The following NKAIN4 variants were observed in gnomAD, a reference collection of about 807,000 sequenced individuals.
The protein encoded by NKAIN4 is sodium/potassium-transporting ATPase subunit beta-1-interacting protein 4.
NKAIN4 carries 28 observed loss-of-function variants against 28.8 expected under a neutral mutation model. That is an observed-to-expected ratio of 0.97 (90% confidence interval 0.72 to 1.33). The LOEUF (loss-of-function observed/expected upper bound fraction) is 1.33. NKAIN4 is among the 40% of genes most tolerant of loss of function. The pLI, the probability that NKAIN4 is intolerant of heterozygous loss-of-function variation, is 0.00. For synonymous variants in NKAIN4, 122 were observed against 115.6 expected (o/e 1.06, Z -0.36); for missense variants, 289 against 277.2 (o/e 1.04, Z -0.30).
chr20:63,250,449 G>C (rs1601295532), intron 1 of NKAIN4, among the ~76,000 whole-genome samples: 2 of 152,184 alleles, frequency 1.3e-5, no homozygotes, highest in African/African-American at 4.8e-5. Flanking sequence ...ATCACGAACT[G>C]TGGGGCCAGG....
upstream of NKAIN4, chr20:63,254,547 C>T (rs1317079116): frequency 4.5e-6 from 4 of 882,856 alleles, no homozygotes; most frequent in South Asian, 4.5e-5. Context: ...ACCCCGCCCC[C>T]TCCGCATCCC....
At chr20:63,246,283 A>G (rs1331113212) in intron 4 of NKAIN4, among the ~76,000 whole-genome samples, 4 of 151,630 alleles carry the variant, frequency 2.6e-5, no homozygotes, top group African/African-American at 9.7e-5. Flanking sequence ...TTTGATGTGC[A>G]CACTTGGGAA....
intron 3 of NKAIN4, 69 bp downstream of exon 3, chr20:63,248,746 G>A (rs1235297494): frequency 9.2e-6 from 9 of 977,702 alleles, no homozygotes; most frequent in Non-Finnish European, 1.5e-5. Context: ...GCAAACACAG[G>A]GGGTGTTACC....
At chr20:63,243,968 G>T in intron 5 of NKAIN4, 56 bp downstream of exon 5, 3 of 1,462,806 alleles carry the variant, frequency 2.1e-6, no homozygotes, top group Non-Finnish European at 2.8e-6. Context: ...CAGACTCAGA[G>T]CTGCCACCTC....
At chr20:63,244,404 G>A (rs2123067363) in intron 4 of NKAIN4, 1 of 511,638 alleles carries the variant, frequency 2.0e-6, no homozygotes, top group Non-Finnish European at 3.8e-6. Flanking sequence ...TGAGGACACA[G>A]AAGCCCAGGC....
chr20:63,242,441 G>A, intron 6 of NKAIN4, 98 bp downstream of exon 6: 1 of 799,574 alleles, frequency 1.3e-6, no homozygotes, highest in Non-Finnish European at 2.2e-6. Flanking sequence ...GAACGGACAG[G>A]CAGGTGCCTG....
chr20:63,248,775 C>T (rs1446617589), intron 3 of NKAIN4, 40 bp downstream of exon 3: 2 of 1,401,342 alleles, frequency 1.4e-6, no homozygotes, highest in East Asian at 4.6e-5. Flanking sequence ...GGCCCAGACC[C>T]CAGGGAAGGA....
intron 1 of NKAIN4, chr20:63,253,103 G>T: frequency 1.7e-6 from 1 of 598,932 alleles, no homozygotes; most frequent in Non-Finnish European, 2.1e-6. Context: ...TCCTTCATGA[G>T]GTCATCCGAC....
chr20:63,241,532 C>T, intron 6 of NKAIN4, 26 bp from the exon 7 acceptor site: 1 of 1,549,280 alleles, frequency 6.5e-7, no homozygotes, highest in Non-Finnish European at 8.7e-7. Context: ...CAGAGAGCAC[C>T]TGGGGGAACA....
rs1568704748 is a variant in NKAIN4, at chr20:63,245,257, T to C, written c.472-1173A>G. On this transcript the variant is annotated intron_variant, in intron 4 of 6. Transcript: ENST00000370316. This position sits in a 1 kb window ranked among gnomAD's most constrained non-coding sequence, Gnocchi z 4.7. Reference sequence around the variant, plus strand: ...GACAAGCTCAAGAAGCTGTCCCAAATGGCCATTTCTGGTTCCATGCCACGG... The same window carrying C: ...GACAAGCTCAAGAAGCTGTCCCAAACGGCCATTTCTGGTTCCATGCCACGG... Among the ~76,000 whole-genome samples the C allele has an allele frequency of 6.6e-6, 1 of 152,158 alleles. No homozygotes were observed. Among genetic ancestry groups the C allele is most frequent in the Non-Finnish European group, 1.5e-5 (1 of 68,026 alleles).
chr20:63,254,560 TCCCCCCTCCTC>T (rs1470123755), upstream of NKAIN4: 6 of 738,902 alleles, frequency 8.1e-6, no homozygotes, highest in Non-Finnish European at 9.3e-6. Flanking sequence ...CGCATCCCGT[TCCCCCCTCCTC>T]CCCGCAACCC....
chr20:63,250,190 CCA>C, intron 1 of NKAIN4, 118 bp from the exon 2 acceptor site: 1 of 1,214,344 alleles, frequency 8.2e-7, no homozygotes, highest in Non-Finnish European at 1.1e-6. Flanking sequence ...CACCCGCCCA[CCA>C]CACCTTTGTT....
chr20:63,249,398 G>C (rs903039421), intron 2 of NKAIN4: 2 of 186,468 alleles, frequency 1.1e-5, no homozygotes, highest in Admixed American at 5.3e-5. Context: ...CAGCACCTAA[G>C]GTATTTACCA....
In NKAIN4 at chr20:63,247,760, TC is replaced by T; in HGVS notation, c.288del (p.Thr97ProfsTer59). On this transcript the variant is annotated frameshift_variant, in exon 4 of 7. Transcript: ENST00000370316. LOFTEE classifies it high-confidence loss of function. ...GAGCGATGCCGGGAGAGGCTGAAGG[TC>T]AGTAGCTCGCTGTCCTAGGGGAGAG... is the stretch of plus-strand genomic sequence containing the variant. The part of the protein sequence containing the change: ...VGGLLKDSEL[L>X]TFSLSRHRSW... 6.8e-7 allele frequency: 1 copy of T among 1,465,142 alleles called. No homozygotes were observed. Among genetic ancestry groups the T allele is most frequent in the Non-Finnish European group, 9.1e-7 (1 of 1,103,820 alleles). 90.8% of individuals were successfully genotyped at this position (1,465,142 alleles called of 1,614,324 possible).
chr20:63,248,153 C>CGGG (rs1284057317), intron 3 of NKAIN4: 1 of 187,786 alleles, frequency 5.3e-6, no homozygotes, highest in Non-Finnish European at 1.1e-5. Context: ...TTCCAGGAAG[C>CGGG]GGGGGCCCGT....
rs1407246426 is a variant in NKAIN4, at chr20:63,252,422, T to C, written c.54+1975A>G. On this transcript the variant is annotated intron_variant, in intron 1 of 6. Transcript: ENST00000370316. The surrounding 1 kb of genome is among the most constrained non-coding windows in gnomAD (Gnocchi z 4.6). The stretch of plus-strand genomic sequence containing the variant: ...GCGCTCAGAAGAGATGCCTGGGCCC[T>C]TTGTCCTGTAGCTTGGTAACACAAA... Among the ~76,000 whole-genome samples, 4 of 152,024 alleles carry C rather than the reference T, an allele frequency of 2.6e-5. No individual in the cohort carries two copies. Among genetic ancestry groups the C allele is most frequent in the Non-Finnish European group, 5.9e-5 (4 of 67,996 alleles).
rs1181250422 is a variant in NKAIN4, at chr20:63,245,589, T to A, written c.472-1505A>T. Among the ~76,000 whole-genome samples the A allele has an allele frequency of 6.6e-6, 1 of 151,836 alleles. No individual in the cohort carries two copies. The highest frequency in any genetic ancestry group is 1.5e-5 in the Non-Finnish European group (1 of 67,928). On this transcript the variant is annotated intron_variant, in intron 4 of 6. Transcript: ENST00000370316. This position sits in a 1 kb window ranked among gnomAD's most constrained non-coding sequence, Gnocchi z 4.7. ...CTCCCTGCTGCATGGAGGCCTGGGA[T>A]CTGCAGGCCCCGCACCCCAACCCCC... is the stretch of plus-strand genomic sequence containing the variant.
At position 63,242,532 on chromosome 20, in the gene NKAIN4, T is replaced by G; in HGVS notation, c.617+7A>C. ...GCCGCAGAGCAGGTTCTGCCAGCCATACTTACAAGTACACCTGCTTGGACA... is the reference window on the plus strand; with the variant it reads ...GCCGCAGAGCAGGTTCTGCCAGCCAGACTTACAAGTACACCTGCTTGGACA... On this transcript the variant is annotated splice_region_variant and intron_variant, in intron 6 of 6. Transcript: ENST00000370316. 6.2e-7 allele frequency: 1 copy of G among 1,606,310 alleles called. No individual in the cohort carries two copies. The highest frequency in any genetic ancestry group is 8.5e-7 in the Non-Finnish European group (1 of 1,173,304).
rs2066969252 is a variant in NKAIN4, at chr20:63,252,023, T to A, written c.55-1951A>T. ...TTTGCCTACGCCGGGCACAGTTCTG[T>A]GAGGTCTGGGCTGGCGGCTGGGACA... On this transcript the variant is annotated intron_variant, in intron 1 of 6. Coordinates refer to ENST00000370316, the MANE Select transcript of NKAIN4 (RefSeq NM_152864.4). This position sits in a 1 kb window ranked among gnomAD's most constrained non-coding sequence, Gnocchi z 4.6. Among the ~76,000 whole-genome samples, 1 of 152,162 alleles carries A rather than the reference T, an allele frequency of 6.6e-6. No individual in the cohort carries two copies. Among genetic ancestry groups the A allele is most frequent in the Non-Finnish European group, 1.5e-5 (1 of 68,030 alleles).
Sources: gnomAD v4.1 joint callset for allele counts (sites outside exome capture counted in the v4.1 genomes callset) on GRCh38, gnomAD v4.1.1 for gene constraint, Gnocchi (gnomAD v3.1) non-coding constraint, MANE v1.5 for transcripts, NCBI Gene and HGNC (gene_info 2026-07-23, HGNC 2026-07-21) for gene names.